DOCK3: variants seen among roughly 807,000 people sequenced by gnomAD.
The protein encoded by DOCK3 is dedicator of cytokinesis protein 3.
DOCK3 carries 60 observed loss-of-function variants against 265.6 expected under a neutral mutation model. The observed-to-expected ratio is 0.23, with a 90% confidence interval of 0.18 to 0.28. DOCK3 has a LOEUF of 0.28. DOCK3 is among the 10% of genes least tolerant of loss of function. The probability of loss-of-function intolerance (pLI) is 1.00; values close to 1 mark genes in which losing one functional copy is unlikely to be tolerated. For missense variants in DOCK3, 1,981 were observed against 2,594.3 expected, an observed-to-expected ratio of 0.76 and a Z score of 5.14; for synonymous variants, 881 against 938.0, an observed-to-expected ratio of 0.94 and a Z score of 1.11.
At chr3:50,749,831 CAGT>C (rs2039677273) in intron 1 of DOCK3, among the ~76,000 whole-genome samples, 1 of 152,152 alleles carries the variant, frequency 6.6e-6, no homozygotes, top group Non-Finnish European at 1.5e-5. Flanking sequence ...GTTTAACTGA[CAGT>C]ATTTTCTTTG....
chr3:51,362,115 C>T, intron 48 of DOCK3, 118 bp downstream of exon 48: 1 of 1,293,142 alleles, frequency 7.7e-7, no homozygotes, highest in Non-Finnish European at 1.0e-6. Flanking sequence ...CTCCTGAATT[C>T]AGAACACCCC....
intron 27 of DOCK3, among the ~76,000 whole-genome samples, chr3:51,286,174 A>G (rs542507956): frequency 2.0e-5 from 3 of 152,322 alleles, no homozygotes; most frequent in African/African-American, 7.2e-5. Flanking sequence ...TACACCAACA[A>G]CATTCAAGCT....
intron 9 of DOCK3, among the ~76,000 whole-genome samples, chr3:51,143,427 G>A (rs1218207976): frequency 1.3e-5 from 2 of 151,420 alleles, no homozygotes; most frequent in African/African-American, 2.4e-5. Flanking sequence ...CCGCCACTAT[G>A]CCTGGCTAAT....
intron 12 of DOCK3, among the ~76,000 whole-genome samples, chr3:51,200,258 A>G (rs2088630657): frequency 6.6e-6 from 1 of 151,896 alleles, no homozygotes; most frequent in Admixed American, 6.6e-5. Context: ...AATTCAAACC[A>G]AAGGCAAAGA....
At chr3:50,952,754 G>A (rs1407343567) in intron 5 of DOCK3, among the ~76,000 whole-genome samples, 1 of 152,108 alleles carries the variant, frequency 6.6e-6, no homozygotes, top group East Asian at 1.9e-4. Context: ...ATATACTTGT[G>A]CTTGGATCCC....
chr3:51,064,564 G>A lies in DOCK3; in HGVS notation c.432G>A (p.Arg144=), dbSNP rs2081525933. Residue 144 remains arginine, a synonymous_variant, in exon 6 of 53, where the codon CGG becomes CGA. Coordinates refer to ENST00000266037, the MANE Select transcript of DOCK3 (RefSeq NM_004947.5). ...LTQDQVREVK[R]HITVRLDWGN... Reference sequence around the variant, plus strand: ...AGGATCAGGTGCGGGAGGTTAAGCGGCACATCACCGTGCGCCTGGACTGGG... The same window carrying A: ...AGGATCAGGTGCGGGAGGTTAAGCGACACATCACCGTGCGCCTGGACTGGG... 3.7e-6 allele frequency: 6 copies of A among 1,613,934 alleles called. No individual in the cohort carries two copies. In the East Asian group the frequency reaches 1.1e-4, roughly 30 times the overall value.
At chr3:50,956,339 T>C (rs370894535) in intron 5 of DOCK3, among the ~76,000 whole-genome samples, 72 of 152,348 alleles carry the variant, frequency 4.7e-4, no homozygotes, top group African/African-American at 1.7e-3. Flanking sequence ...GATTGTCAAA[T>C]CAAGATTCCT....
At chr3:50,787,986 C>T in intron 2 of DOCK3, 1 of 829,558 alleles carries the variant, frequency 1.2e-6, no homozygotes, top group Non-Finnish European at 2.0e-6. Flanking sequence ...TCTGTGTCAT[C>T]AGAATTCTCC....
intron 5 of DOCK3, among the ~76,000 whole-genome samples, chr3:51,009,536 C>T (rs1174330740): frequency 6.6e-6 from 1 of 152,114 alleles, no homozygotes; most frequent in Non-Finnish European, 1.5e-5. Context: ...TGCTAGCAGT[C>T]TATCAATTTT....
intron 10 of DOCK3, among the ~76,000 whole-genome samples, chr3:51,158,550 AAAGG>A (rs1221515631): frequency 1.3e-5 from 2 of 152,170 alleles, no homozygotes; most frequent in Non-Finnish European, 2.9e-5. Context: ...TTTTTAAAGA[AAAGG>A]AAGAAAGAAA....
chr3:50,899,452 A>T (rs1289995854), intron 4 of DOCK3, among the ~76,000 whole-genome samples: 2 of 152,186 alleles, frequency 1.3e-5, no homozygotes, highest in Admixed American at 1.3e-4. Flanking sequence ...TGTGTCTTTT[A>T]ATTGGGGCAT....
At chr3:51,276,912 T>A (rs113315989) in intron 25 of DOCK3, among the ~76,000 whole-genome samples, 2,179 of 152,288 alleles carry the variant, frequency 0.014, 61 homozygotes, top group African/African-American at 0.048. Context: ...AATAGACTCT[T>A]CCTAAATTAG....
chr3:50,787,481 G>A (rs575944468), intron 2 of DOCK3: 10 of 465,726 alleles, frequency 2.1e-5, no homozygotes, highest in African/African-American at 2.0e-4. Flanking sequence ...GTTGTGGTGA[G>A]CCGAGATCGC....
chr3:51,323,900 G>T (rs1417605482), intron 32 of DOCK3, among the ~76,000 whole-genome samples: 1 of 152,044 alleles, frequency 6.6e-6, no homozygotes, highest in Non-Finnish European at 1.5e-5. Context: ...TCCAGGAGCT[G>T]GTTTTTTGAA....
At chr3:51,202,845 A>T (rs944125282) in intron 12 of DOCK3, among the ~76,000 whole-genome samples, 2 of 151,386 alleles carry the variant, frequency 1.3e-5, no homozygotes, top group Non-Finnish European at 2.9e-5. Context: ...TCATGCTGGG[A>T]TGCAAGGCTG....
intron 22 of DOCK3, among the ~76,000 whole-genome samples, chr3:51,249,834 G>C (rs1418786405): frequency 4.3e-4 from 64 of 147,774 alleles, no homozygotes; most frequent in South Asian, 1.1e-3. Flanking sequence ...GAATAGAAAG[G>C]GGGGAAAGGT....
intron 27 of DOCK3, among the ~76,000 whole-genome samples, chr3:51,295,782 G>A (rs918657726): frequency 1.3e-5 from 2 of 152,054 alleles, no homozygotes; most frequent in Non-Finnish European, 2.9e-5. Context: ...AAGGCGTTGG[G>A]GGGTGGGGGG....
intron 2 of DOCK3, among the ~76,000 whole-genome samples, chr3:50,782,541 C>T (rs866631346): frequency 2.8e-4 from 42 of 151,342 alleles, no homozygotes; most frequent in Admixed American, 5.3e-4. Flanking sequence ...CCGCCCGCCT[C>T]GGCCTCCCAA....
chr3:51,110,353 G>A (rs1357840898), intron 9 of DOCK3, among the ~76,000 whole-genome samples: 2 of 151,936 alleles, frequency 1.3e-5, no homozygotes, highest in African/African-American at 4.8e-5. Context: ...CCAAAACCTG[G>A]CAGAGACACA....
Sources: allele counts gnomAD v4.1 joint callset (sites outside exome capture counted in the v4.1 genomes callset), GRCh38; gene constraint gnomAD v4.1.1; transcripts MANE v1.5; gene names NCBI Gene and HGNC (gene_info 2026-07-23, HGNC 2026-07-21).